Variants in CSMD3 observed in about 807,000 individuals in gnomAD.
CSMD3 encodes CUB and Sushi multiple domains 3.
Under a neutral mutation model 435.2 loss-of-function variants are expected in CSMD3, and 177 were observed. The observed-to-expected ratio is 0.41, with a 90% CI of 0.36 to 0.46. CSMD3 has a LOEUF of 0.46. CSMD3 is among the 20% of genes least tolerant of loss of function. The pLI is 0.34. For synonymous variants in CSMD3, 1,656 were observed against 1,520.5 expected, an observed-to-expected ratio of 1.09 and a Z score of -2.07; for missense variants, 4,265 against 4,504.6, an observed-to-expected ratio of 0.95 and a Z score of 1.52.
At chr8:113,271,021 T>G (rs2093520804) in intron 3 of CSMD3, among the ~76,000 whole-genome samples, 1 of 150,082 alleles carries the variant, frequency 6.7e-6, no homozygotes, top group South Asian at 2.1e-4. Flanking sequence ...GCACCTGCCC[T>G]AGAGATGTGT....
chr8:112,917,678 T>C (rs1202120267), intron 10 of CSMD3, among the ~76,000 whole-genome samples: 3 of 151,870 alleles, frequency 2.0e-5, no homozygotes, highest in Non-Finnish European at 4.4e-5. Context: ...GTGGGATAAA[T>C]TGTACTCTAA....
intron 66 of CSMD3, among the ~76,000 whole-genome samples, chr8:112,238,558 T>C (rs1470907235): frequency 1.3e-5 from 2 of 151,968 alleles, no homozygotes; most frequent in African/African-American, 2.4e-5. Context: ...TCTTATCACT[T>C]TGGAGTAATG....
chr8:113,244,414 C>G (rs866975722), intron 3 of CSMD3, among the ~76,000 whole-genome samples: 11 of 152,126 alleles, frequency 7.2e-5, no homozygotes, highest in Non-Finnish European at 1.2e-4. Context: ...CACCTGGGTT[C>G]AAGTGATTTT....
At chr8:112,273,765 T>C (rs1199867341) in intron 59 of CSMD3, among the ~76,000 whole-genome samples, 1 of 150,276 alleles carries the variant, frequency 6.7e-6, no homozygotes, top group Non-Finnish European at 1.5e-5. Flanking sequence ...TGGTAAATCA[T>C]GTATACTGAT....
intron 59 of CSMD3, among the ~76,000 whole-genome samples, chr8:112,267,341 A>T (rs891531008): frequency 2.6e-5 from 4 of 152,056 alleles, no homozygotes; most frequent in African/African-American, 9.7e-5. Flanking sequence ...ATAATAATAG[A>T]GTTTTATATT....
chr8:112,755,256 G>A (rs1292473515), intron 13 of CSMD3, among the ~76,000 whole-genome samples: 3 of 151,678 alleles, frequency 2.0e-5, no homozygotes, highest in African/African-American at 4.8e-5. Flanking sequence ...GCGTGAACCC[G>A]GGAAGCGGAG....
At chr8:112,617,924 T>G (rs1386946205) in intron 22 of CSMD3, among the ~76,000 whole-genome samples, 1 of 152,152 alleles carries the variant, frequency 6.6e-6, no homozygotes, top group Non-Finnish European at 1.5e-5. Context: ...TTCTCATATG[T>G]GTAGCTGCCA....
At chr8:112,997,442 T>C (rs1410119374) in intron 6 of CSMD3, among the ~76,000 whole-genome samples, 1 of 151,688 alleles carries the variant, frequency 6.6e-6, no homozygotes, top group Non-Finnish European at 1.5e-5. Flanking sequence ...TCAATGCAAC[T>C]ATCTTTATGA....
At chr8:113,096,804 G>C (rs1158787279) in intron 5 of CSMD3, among the ~76,000 whole-genome samples, 1 of 152,014 alleles carries the variant, frequency 6.6e-6, no homozygotes. Flanking sequence ...ATTTTTGCCT[G>C]AAGGCTCATC....
chr8:113,208,952 A>G (rs1481518663), intron 3 of CSMD3, among the ~76,000 whole-genome samples: 1 of 152,154 alleles, frequency 6.6e-6, no homozygotes, highest in Non-Finnish European at 1.5e-5. Flanking sequence ...CCCATTTGAA[A>G]TGTCTTTCTA....
intron 22 of CSMD3, among the ~76,000 whole-genome samples, chr8:112,593,885 T>C (rs1831418103): frequency 6.6e-6 from 1 of 151,942 alleles, no homozygotes; most frequent in South Asian, 2.1e-4. Context: ...GTGATACAGG[T>C]TTGAAGGAAG....
At chr8:112,550,386 T>C (rs1442412740) in intron 27 of CSMD3, among the ~76,000 whole-genome samples, 1 of 151,930 alleles carries the variant, frequency 6.6e-6, no homozygotes, top group Non-Finnish European at 1.5e-5. Flanking sequence ...TATAAGCTTT[T>C]GTGATGTAAT....
intron 70 of CSMD3, among the ~76,000 whole-genome samples, chr8:112,226,838 A>C (rs1812606420): frequency 6.6e-6 from 1 of 152,154 alleles, no homozygotes; most frequent in African/African-American, 2.4e-5. Context: ...TGGAAATCAA[A>C]ACCACAGTGA....
chr8:112,924,062 A>G (rs112180497), intron 9 of CSMD3, among the ~76,000 whole-genome samples: 5,133 of 152,250 alleles, frequency 0.034, 147 homozygotes, highest in Middle Eastern at 0.051. Context: ...CAAGGAAGCA[A>G]TTAGGGGTTG....
intron 12 of CSMD3, among the ~76,000 whole-genome samples, 170 bp downstream of exon 12, chr8:112,829,516 T>A (rs1390149414): frequency 6.6e-6 from 1 of 152,174 alleles, no homozygotes; most frequent in Non-Finnish European, 1.5e-5. Context: ...GTGCCTTAAA[T>A]CTCATTGAAG....
At chr8:112,387,595 G>A (rs920532451) in intron 36 of CSMD3, among the ~76,000 whole-genome samples, 7 of 151,450 alleles carry the variant, frequency 4.6e-5, no homozygotes, top group African/African-American at 1.5e-4. Context: ...TTTTTTTAGC[G>A]TGTTTAAAAT....
intron 7 of CSMD3, among the ~76,000 whole-genome samples, chr8:112,956,348 G>A (rs1245572994): frequency 6.6e-6 from 1 of 151,890 alleles, no homozygotes; most frequent in East Asian, 1.9e-4. Flanking sequence ...TAATTCTTCT[G>A]AAGTGTTCAA....
At chr8:112,813,972 A>C (rs1563986591) in intron 12 of CSMD3, among the ~76,000 whole-genome samples, 1 of 152,200 alleles carries the variant, frequency 6.6e-6, no homozygotes, top group Non-Finnish European at 1.5e-5. Context: ...CCCAGTGCAC[A>C]AGCCAGTTGG....
At chr8:113,229,771 C>T (rs1272917551) in intron 3 of CSMD3, among the ~76,000 whole-genome samples, 1 of 151,624 alleles carries the variant, frequency 6.6e-6, no homozygotes, top group Admixed American at 6.6e-5. Context: ...TGACACCACC[C>T]ATGTTTTCTC....
Sources: gnomAD v4.1 joint callset for allele counts (sites outside exome capture counted in the v4.1 genomes callset) on GRCh38, gnomAD v4.1.1 for gene constraint, MANE v1.5 for transcripts, NCBI Gene and HGNC (gene_info 2026-07-23, HGNC 2026-07-21) for gene names.